KIAA0825: variants seen among roughly 807,000 people sequenced by gnomAD.
The protein encoded by KIAA0825 is uncharacterized protein KIAA0825.
KIAA0825 carries 119 observed loss-of-function variants against 147.6 expected under a neutral mutation model. That is an observed-to-expected ratio of 0.81 (90% CI 0.69 to 0.94). KIAA0825 has a LOEUF of 0.94. Ranked by LOEUF, KIAA0825 falls within the 40% of genes least tolerant of loss-of-function variation. The pLI, the probability that KIAA0825 is intolerant of heterozygous loss-of-function variation, is 0.00. For missense variants in KIAA0825, 1,381 were observed against 1,472.7 expected, an observed-to-expected ratio of 0.94 and a Z score of 1.02; for synonymous variants, 470 against 518.1, an observed-to-expected ratio of 0.91 and a Z score of 1.26.
chr5:94,308,028 C>G (rs1304060131), intron 20 of KIAA0825, among the ~76,000 whole-genome samples: 1 of 151,714 alleles, frequency 6.6e-6, no homozygotes, highest in Non-Finnish European at 1.5e-5. Context: ...GAACATGAGT[C>G]TTTTTCACTG....
At chr5:94,269,947 G>T (rs544720566) in intron 20 of KIAA0825, among the ~76,000 whole-genome samples, 2 of 151,950 alleles carry the variant, frequency 1.3e-5, no homozygotes, top group South Asian at 4.2e-4. Flanking sequence ...AATACATTCA[G>T]AAATGAAAAA....
Position 94,396,200 on chromosome 5 carries a change from T to C in KIAA0825, c.3197A>G (p.His1066Arg). ...TATGACCTTTTGGATCATTTGATTA[T>C]GGATACTTGTCTGGTCTCCCATGAT... Reference protein sequence around the residue: ...KSIMGDQTSIHNQMIQKVIQS... With the variant: ...KSIMGDQTSIRNQMIQKVIQS... Residue 1066 changes from histidine (H) to arginine (R), a missense_variant, in exon 17 of 21, where the codon CAT (histidine) becomes CGT (arginine). Transcript: ENST00000682413. 1 of 1,551,362 alleles carries C rather than the reference T, an allele frequency of 6.4e-7. No homozygotes were observed. Among genetic ancestry groups the C allele is most frequent in the Non-Finnish European group, 8.7e-7 (1 of 1,146,874 alleles).
chr5:94,424,612 G>A (rs937119638), intron 14 of KIAA0825, among the ~76,000 whole-genome samples: 2 of 151,670 alleles, frequency 1.3e-5, no homozygotes, highest in Non-Finnish European at 2.9e-5. Context: ...TCCAGGAACT[G>A]GAAAAACAAG....
At chr5:94,570,882 T>C (rs986808119) in intron 2 of KIAA0825, among the ~76,000 whole-genome samples, 6 of 152,206 alleles carry the variant, frequency 3.9e-5, no homozygotes, top group African/African-American at 1.4e-4. Context: ...ATGGCCACCA[T>C]GTATATCGTG....
chr5:94,370,434 A>C (rs1746515555), intron 20 of KIAA0825, among the ~76,000 whole-genome samples: 1 of 152,220 alleles, frequency 6.6e-6, no homozygotes, highest in Non-Finnish European at 1.5e-5. Context: ...TAAAAAATAA[A>C]ATATAAGTAG....
intron 20 of KIAA0825, among the ~76,000 whole-genome samples, chr5:94,271,838 C>T (rs1018561951): frequency 6.6e-6 from 1 of 152,090 alleles, no homozygotes; most frequent in Non-Finnish European, 1.5e-5. Context: ...GAATGGAAAT[C>T]ATTATGTAGA....
chr5:94,310,077 G>GACTTTAATTAAGACTCTCA (rs1779023547), intron 20 of KIAA0825, among the ~76,000 whole-genome samples: 1 of 151,706 alleles, frequency 6.6e-6, no homozygotes, highest in Non-Finnish European at 1.5e-5. Flanking sequence ...ACTAAAAAGT[G>GACTTTAATTAAGACTCTCA]CTATAAAAAT....
intron 20 of KIAA0825, among the ~76,000 whole-genome samples, chr5:94,174,880 C>A (rs1298899009): frequency 6.6e-6 from 1 of 152,092 alleles, no homozygotes; most frequent in Non-Finnish European, 1.5e-5. Flanking sequence ...CCTTCCTAAG[C>A]AGAATTTATA....
intron 2 of KIAA0825, among the ~76,000 whole-genome samples, chr5:94,549,350 T>C (rs2151427134): frequency 6.6e-6 from 1 of 152,252 alleles, no homozygotes; most frequent in South Asian, 2.1e-4. Context: ...GACCAGTGGG[T>C]CACTGAAGAA....
At chr5:94,157,687 T>C (rs181310165) in intron 20 of KIAA0825, among the ~76,000 whole-genome samples, 13 of 151,130 alleles carry the variant, frequency 8.6e-5, no homozygotes, top group Non-Finnish European at 1.9e-4. Flanking sequence ...CCTTTCTGTT[T>C]TTGCTCACCG....
chr5:94,519,719 T>C (rs946434437), intron 5 of KIAA0825: 1 of 775,434 alleles, frequency 1.3e-6, no homozygotes, highest in Non-Finnish European at 1.6e-6. Flanking sequence ...CTTTTAAATA[T>C]CCAATTTTAC....
intron 2 of KIAA0825, among the ~76,000 whole-genome samples, chr5:94,546,589 T>A (rs534452784): frequency 7.4e-4 from 113 of 152,060 alleles, no homozygotes; most frequent in African/African-American, 2.6e-3. Context: ...TGAGTCTCTG[T>A]TTGATAATCT....
At chr5:94,568,618 A>G (rs1779220116) in intron 2 of KIAA0825, 1 of 152,364 alleles carries the variant, frequency 6.6e-6, no homozygotes, top group African/African-American at 2.4e-5. Context: ...TCACCTTCCT[A>G]GGACTTCTGA....
At chr5:94,554,251 T>C (rs1210679699) in intron 2 of KIAA0825, among the ~76,000 whole-genome samples, 1 of 152,168 alleles carries the variant, frequency 6.6e-6, no homozygotes, top group Non-Finnish European at 1.5e-5. Context: ...CTCAGACATC[T>C]TTATGGCATG....
chr5:94,464,530 T>C (rs1363516105), intron 11 of KIAA0825, among the ~76,000 whole-genome samples: 1 of 152,210 alleles, frequency 6.6e-6, no homozygotes, highest in Non-Finnish European at 1.5e-5. Context: ...TGCTCCATCA[T>C]GGCATGGATG....
chr5:94,554,717 T>TATAC (rs1776211934), intron 2 of KIAA0825, among the ~76,000 whole-genome samples: 3 of 3,054 alleles, frequency 9.8e-4, no homozygotes, highest in Admixed American at 7.2e-3. Context: ...TTCTGTGTAC[T>TATAC]ATATATATAT....
chr5:94,527,593 A>G (rs184331212), intron 3 of KIAA0825, among the ~76,000 whole-genome samples: 1,610 of 152,082 alleles, frequency 0.011, 10 homozygotes, highest in Non-Finnish European at 0.017. Flanking sequence ...CCAAAATTTA[A>G]AAAAAAATTT....
chr5:94,246,354 G>T (rs571193183), intron 20 of KIAA0825, among the ~76,000 whole-genome samples: 2 of 152,214 alleles, frequency 1.3e-5, no homozygotes, highest in East Asian at 1.9e-4. Flanking sequence ...TATAGCTTTT[G>T]TCTGAGAGTA....
chr5:94,538,949 G>A (rs1193471764), intron 2 of KIAA0825, among the ~76,000 whole-genome samples: 1 of 152,180 alleles, frequency 6.6e-6, no homozygotes, highest in African/African-American at 2.4e-5. Flanking sequence ...GAGCAACTCC[G>A]TCTTGAATAG....
Sources: allele counts gnomAD v4.1 joint callset (sites outside exome capture counted in the v4.1 genomes callset), GRCh38; gene constraint gnomAD v4.1.1; transcripts MANE v1.5; gene names NCBI Gene and HGNC (gene_info 2026-07-23, HGNC 2026-07-21).